The following PAN3 variants were observed in gnomAD, a reference collection of about 807,000 sequenced individuals.
PAN3 encodes the protein PAN2-PAN3 deadenylation complex subunit PAN3.
PAN3 carries 19 observed loss-of-function variants against 96.2 expected under a neutral mutation model. The observed-to-expected ratio is 0.20, with a 90% CI of 0.14 to 0.29. PAN3 has a LOEUF of 0.29. PAN3 is among the 10% of genes least tolerant of loss of function. The probability of loss-of-function intolerance (pLI) is 1.00; values close to 1 mark genes in which losing one functional copy is unlikely to be tolerated. For synonymous variants in PAN3, 433 were observed against 406.6 expected, an observed-to-expected ratio of 1.06 and a Z score of -0.78; for missense variants, 882 against 1,108.1, an observed-to-expected ratio of 0.80 and a Z score of 2.90.
chr13:28,266,872 A>C lies in PAN3; in HGVS notation c.1569A>C (p.Ile523=), dbSNP rs750090463. 1 of 1,593,174 alleles carries C rather than the reference A, an allele frequency of 6.3e-7. No individual in the cohort carries two copies. The highest frequency in any genetic ancestry group is 8.5e-7 in the Non-Finnish European group (1 of 1,170,804). The change falls in exon 10 of 19, where the codon ATA becomes ATC. Residue 523 remains isoleucine, a synonymous_variant. Transcript: ENST00000380958. The part of the protein sequence containing the change: ...KDDLPYCLRR[I]HGFRLVNTKC... ...ATCTGCCATATTGCCTTCGGAGGATACATGGTAAGGAAGATAAGTTATCTT... is the reference window on the plus strand; with the variant it reads ...ATCTGCCATATTGCCTTCGGAGGATCCATGGTAAGGAAGATAAGTTATCTT...
intron 6 of PAN3, among the ~76,000 whole-genome samples, chr13:28,249,401 G>A (rs1884504954): frequency 6.6e-6 from 1 of 152,030 alleles, no homozygotes; most frequent in Admixed American, 6.5e-5. Flanking sequence ...CTTTAACTAA[G>A]TATGGAATTG....
In PAN3 at chr13:28,289,110, G is replaced by A. The variant is rs1052158322; in HGVS notation, c.2523+988G>A. Reference sequence around the variant, plus strand: ...CAAAGTGCTGGGATTACAGGCATGAGCCACCGCACCCGGCCTAACTCTAGG... The same window carrying A: ...CAAAGTGCTGGGATTACAGGCATGAACCACCGCACCCGGCCTAACTCTAGG... On this transcript the variant is annotated intron_variant, in intron 18 of 18. Coordinates refer to ENST00000380958, the MANE Select transcript of PAN3 (RefSeq NM_175854.8). Among the ~76,000 whole-genome samples the A allele has an allele frequency of 2.0e-5, 3 of 152,158 alleles. No individual in the cohort carries two copies. In the East Asian group the frequency reaches 5.8e-4, roughly 29 times the overall value.
intron 6 of PAN3, among the ~76,000 whole-genome samples, chr13:28,229,081 C>G (rs187642036): frequency 6.6e-6 from 1 of 152,190 alleles, no homozygotes; most frequent in Non-Finnish European, 1.5e-5. Flanking sequence ...TGACCCAAGC[C>G]TGGAAGTTTC....
In PAN3 at chr13:28,138,847, T is replaced by A; in HGVS notation, c.190T>A (p.Cys64Ser). ...TAAGACTTGCTTCTACGGGGAGGAGTGTCAGTTCCTGCATGAGGACCCTGC... is the reference window on the plus strand; with the variant it reads ...TAAGACTTGCTTCTACGGGGAGGAGAGTCAGTTCCTGCATGAGGACCCTGC... ...KDKTCFYGEE[C>S]QFLHEDPAAG... Residue 64 changes from cysteine to serine, a missense_variant, in exon 1 of 19, where the codon TGT (cysteine) becomes AGT (serine). By Grantham distance (112) the Cys-to-Ser change is moderately radical (BLOSUM62 -1). Transcript: ENST00000380958. The A allele has an allele frequency of 7.1e-7, 1 of 1,417,466 alleles. No homozygotes were observed. The highest frequency in any genetic ancestry group is 9.2e-7 in the Non-Finnish European group (1 of 1,090,596). The allele number at this position is 1,417,466 out of a possible 1,614,324, so 87.8% of individuals were successfully genotyped here.
chr13:28,154,897 T>C (rs1309371329), intron 1 of PAN3, among the ~76,000 whole-genome samples: 1 of 150,444 alleles, frequency 6.6e-6, no homozygotes, highest in Non-Finnish European at 1.5e-5. Context: ...CTCGGCTCAC[T>C]GCAAGCTCCA....
intron 5 of PAN3, among the ~76,000 whole-genome samples, chr13:28,206,552 C>A (rs1879386957): frequency 1.3e-5 from 2 of 151,844 alleles, no homozygotes; most frequent in Admixed American, 1.3e-4. Flanking sequence ...GAACTCCTGA[C>A]CTCAGGTGAT....
At chr13:28,167,919 C>T (rs746278991) in intron 1 of PAN3, among the ~76,000 whole-genome samples, 12 of 152,150 alleles carry the variant, frequency 7.9e-5, no homozygotes, top group Admixed American at 3.3e-4. Flanking sequence ...AATATAGCAT[C>T]CTCAACACTT....
chr13:28,160,390 G>T (rs375150013), intron 1 of PAN3, among the ~76,000 whole-genome samples: 1 of 152,174 alleles, frequency 6.6e-6, no homozygotes, highest in Admixed American at 6.5e-5. Context: ...ATTAGAGGGG[G>T]CACATTTTAG....
intron 14 of PAN3, among the ~76,000 whole-genome samples, chr13:28,274,929 C>A (rs999318213): frequency 6.6e-6 from 1 of 151,992 alleles, no homozygotes; most frequent in African/African-American, 2.4e-5. Flanking sequence ...GTTTCAGACA[C>A]GTGAATAGAG....
chr13:28,179,865 A>G (rs1875536879), intron 4 of PAN3, among the ~76,000 whole-genome samples: 1 of 152,120 alleles, frequency 6.6e-6, no homozygotes, highest in Non-Finnish European at 1.5e-5. Flanking sequence ...CCTGACATTT[A>G]CTTTTGAGAA....
At chr13:28,191,940 G>T (rs1877318355) in intron 4 of PAN3, among the ~76,000 whole-genome samples, 1 of 151,796 alleles carries the variant, frequency 6.6e-6, no homozygotes, top group Admixed American at 6.6e-5. Flanking sequence ...GGGTCCCACT[G>T]TGTTGCCCAG....
intron 6 of PAN3, among the ~76,000 whole-genome samples, chr13:28,241,949 C>A (rs1883704094): frequency 6.6e-6 from 1 of 151,196 alleles, no homozygotes; most frequent in Non-Finnish European, 1.5e-5. Context: ...TCATTATCTT[C>A]AATGTAGTTA....
chr13:28,235,886 A>T (rs1025756165), intron 6 of PAN3, among the ~76,000 whole-genome samples: 6 of 140,874 alleles, frequency 4.3e-5, no homozygotes, highest in South Asian at 2.3e-4. Context: ...TGATTTTTAA[A>T]TTTTTTTTTT....
chr13:28,288,801 G>A (rs897812125), intron 18 of PAN3, among the ~76,000 whole-genome samples: 5 of 151,264 alleles, frequency 3.3e-5, no homozygotes, highest in Non-Finnish European at 7.4e-5. Context: ...GTTATGTTGG[G>A]TGTTATCAAA....
chr13:28,257,081 T>G (rs1456150839), intron 7 of PAN3, among the ~76,000 whole-genome samples: 1 of 152,106 alleles, frequency 6.6e-6, no homozygotes, highest in Non-Finnish European at 1.5e-5. Flanking sequence ...GAGCCATGAT[T>G]GTAGATGACG....
intron 6 of PAN3, chr13:28,240,075 A>G (rs1883512191): frequency 6.6e-6 from 1 of 152,464 alleles, no homozygotes; most frequent in South Asian, 2.1e-4. Flanking sequence ...TTAAGATTTA[A>G]TGGAACTTAA....
At chr13:28,158,220 A>G (rs1270972915) in intron 1 of PAN3, among the ~76,000 whole-genome samples, 2 of 151,484 alleles carry the variant, frequency 1.3e-5, no homozygotes, top group African/African-American at 4.9e-5. Flanking sequence ...AAAGACTTAA[A>G]TGTAAAACCT....
chr13:28,167,866 T>G (rs1173752909), intron 1 of PAN3, among the ~76,000 whole-genome samples: 2 of 152,138 alleles, frequency 1.3e-5, no homozygotes, highest in East Asian at 3.9e-4. Flanking sequence ...AAACAAATCT[T>G]TAATTCATTT....
chr13:28,206,981 A>G (rs1879452661), intron 5 of PAN3, among the ~76,000 whole-genome samples: 1 of 152,108 alleles, frequency 6.6e-6, no homozygotes. Context: ...TCTCCATGAC[A>G]TAGGACTTAA....
Sources: gnomAD v4.1 joint callset for allele counts (sites outside exome capture counted in the v4.1 genomes callset) on GRCh38, gnomAD v4.1.1 for gene constraint, MANE v1.5 for transcripts, NCBI Gene and HGNC (gene_info 2026-07-23, HGNC 2026-07-21) for gene names.